Variants in GLP2R observed in about 807,000 individuals in gnomAD.
GLP2R encodes the protein glucagon-like peptide 2 receptor.
A neutral mutation model predicts 68.2 loss-of-function variants in GLP2R; 59 were observed. That is an observed-to-expected ratio of 0.87 (90% CI 0.70 to 1.07). The LOEUF (loss-of-function observed/expected upper bound fraction) is 1.07. Among genes scored for constraint, GLP2R ranks in the 50% least tolerant of loss-of-function variants. GLP2R has a pLI of 0.00. For synonymous variants in GLP2R, 270 were observed against 265.4 expected (o/e 1.02, Z -0.17); for missense variants, 548 against 677.4 (o/e 0.81, Z 2.12).
intron 12 of GLP2R, 91 bp from the exon 13 acceptor site, chr17:9,889,279 G>A (rs1397317566): frequency 2.5e-6 from 2 of 805,682 alleles, no homozygotes; most frequent in Non-Finnish European, 2.0e-6. Flanking sequence ...CCCAAGGGTG[G>A]CACAGAGTAG....
At chr17:9,840,688 G>GATGTGTTGC (rs1356533449) in intron 3 of GLP2R, among the ~76,000 whole-genome samples, 3 of 152,182 alleles carry the variant, frequency 2.0e-5, no homozygotes, top group Non-Finnish European at 4.4e-5. Flanking sequence ...GGAGTGGGGT[G>GATGTGTTGC]ATGTGTTGCA....
At position 9,889,878 on chromosome 17, in the gene GLP2R, G is replaced by A; in HGVS notation, c.*173G>A. On this transcript the variant is annotated 3_prime_UTR_variant, in exon 13 of 13. Coordinates refer to ENST00000262441, the MANE Select transcript of GLP2R (RefSeq NM_004246.3). ...CTTCAAGCTCTGTATGAAAGAGGCT[G>A]TGTGTCATGCTCACAGCCTCTGCCT... 3.1e-6 allele frequency: 2 copies of A among 638,184 alleles called. No individual in the cohort carries two copies. The highest frequency in any genetic ancestry group is 5.0e-5 in the Admixed American group (2 of 40,312). The allele number at this position is 638,184 out of a possible 1,614,324, so 39.5% of individuals were successfully genotyped here.
At chr17:9,863,102 T>A (rs2067001738) in intron 9 of GLP2R, among the ~76,000 whole-genome samples, 1 of 151,496 alleles carries the variant, frequency 6.6e-6, no homozygotes, top group African/African-American at 2.4e-5. Context: ...TCTTCCCTCC[T>A]GTCACTGGAC....
chr17:9,878,247 C>A lies in GLP2R; in HGVS notation c.1146-2131C>A, dbSNP rs560526047. ...AACGATTGCCATGCAAGAATTTGAGCCCAGTGTTGCCAGATCTCCTCATTT... is the reference window on the plus strand; with the variant it reads ...AACGATTGCCATGCAAGAATTTGAGACCAGTGTTGCCAGATCTCCTCATTT... On this transcript the variant is annotated intron_variant, in intron 10 of 12. Transcript: ENST00000262441. Among the ~76,000 whole-genome samples, 10 of 152,274 alleles carry A rather than the reference C, an allele frequency of 6.6e-5. No homozygotes were observed. The East Asian group carries it at 9.6e-4, about 15-fold the overall frequency.
At chr17:9,857,875 C>T (rs1006640054) in intron 6 of GLP2R, among the ~76,000 whole-genome samples, 1 of 152,308 alleles carries the variant, frequency 6.6e-6, no homozygotes, top group African/African-American at 2.4e-5. Context: ...TTATAGCTGG[C>T]CCTCTGTATC....
intron 9 of GLP2R, among the ~76,000 whole-genome samples, chr17:9,865,479 T>G (rs567654909): frequency 2.5e-4 from 38 of 152,318 alleles, no homozygotes; most frequent in African/African-American, 8.9e-4. Context: ...AATGGGTCAC[T>G]ATTTCCCTCA....
chr17:9,831,706 C>T (rs977091077), intron 1 of GLP2R, among the ~76,000 whole-genome samples: 2 of 152,166 alleles, frequency 1.3e-5, no homozygotes, highest in African/African-American at 4.8e-5. Flanking sequence ...AAGTGGAAGA[C>T]TGTAGGCAGG....
In GLP2R at chr17:9,889,358, C is replaced by G. The variant is rs773810839; in HGVS notation, c.1327-12C>G. 3 of 1,590,018 alleles carry G rather than the reference C, an allele frequency of 1.9e-6. No homozygotes were observed. The highest frequency in any genetic ancestry group is 4.5e-5 in the East Asian group (2 of 44,652). On this transcript the variant is annotated splice_polypyrimidine_tract_variant and intron_variant, in intron 12 of 12. Transcript: ENST00000262441. ...TCCAAGACAGTAACCTCTCACTTGT[C>G]TCACCCGGCAGGTGAAGGCTGAGCT...
At chr17:9,861,466 T>G (rs1369157314) in intron 8 of GLP2R, among the ~76,000 whole-genome samples, 1 of 152,198 alleles carries the variant, frequency 6.6e-6, no homozygotes, top group Non-Finnish European at 1.5e-5. Context: ...CAAGAGTGGT[T>G]ACTGCAGTAT....
chr17:9,887,894 G>A (rs754718111), intron 11 of GLP2R, 38 bp from the exon 12 acceptor site: 52 of 1,540,976 alleles, frequency 3.4e-5, no homozygotes, highest in South Asian at 6.7e-5. Context: ...CATCTTCTCC[G>A]GAGTCAGATT....
Position 9,889,582 on chromosome 17 carries a change from G to T in GLP2R, c.1539G>T (p.Leu513=), listed in dbSNP as rs2067272822. ...TAGCCATGCGAGGTCTTGGGGAGCTGGGCGCCCAGCCCCAACAGGACCATG... is the reference window on the plus strand; with the variant it reads ...TAGCCATGCGAGGTCTTGGGGAGCTTGGCGCCCAGCCCCAACAGGACCATG... ...LHLAMRGLGE[L]GAQPQQDHAR... Residue 513 remains leucine, a synonymous_variant, in exon 13 of 13, where the codon CTG becomes CTT. Coordinates refer to ENST00000262441, the MANE Select transcript of GLP2R (RefSeq NM_004246.3). The T allele has an allele frequency of 6.2e-7, 1 of 1,614,026 alleles. No homozygotes were observed. Among genetic ancestry groups the T allele is most frequent in the South Asian group, 1.1e-5 (1 of 91,088 alleles).
intron 11 of GLP2R, among the ~76,000 whole-genome samples, chr17:9,885,413 T>A (rs538179983): frequency 1.3e-5 from 2 of 152,002 alleles, no homozygotes; most frequent in African/African-American, 4.8e-5. Context: ...GGGTAGATAG[T>A]TCTTTTGATA....
intron 5 of GLP2R, 113 bp from the exon 6 acceptor site, chr17:9,857,310 C>CTATA (rs2066942789): frequency 1.1e-6 from 1 of 893,046 alleles, no homozygotes; most frequent in African/African-American, 1.7e-5. Context: ...GCTCTGCAGC[C>CTATA]TATACTATGA....
In GLP2R at chr17:9,860,022, C is replaced by A. The variant is rs1307657824; in HGVS notation, c.846C>A (p.Gly282=). The A allele has an allele frequency of 1.2e-6, 2 of 1,613,614 alleles. No homozygotes were observed. Residue 282 remains glycine (G), a synonymous_variant, in exon 7 of 13, where the codon GGC becomes GGA. Transcript: ENST00000262441. The stretch of plus-strand genomic sequence containing the variant: ...ATTACTTATGGCTGCTGGTTGAAGG[C>A]CTCTACCTCCACACGCTGCTGGAGC... ...GANYLWLLVE[G]LYLHTLLEPT...
At chr17:9,879,153 A>G (rs2067167230) in intron 10 of GLP2R, among the ~76,000 whole-genome samples, 1 of 151,718 alleles carries the variant, frequency 6.6e-6, no homozygotes, top group Non-Finnish European at 1.5e-5. Flanking sequence ...AGTGGTTTGC[A>G]CCTGTAATCC....
intron 11 of GLP2R, among the ~76,000 whole-genome samples, chr17:9,880,828 G>A (rs1383077165): frequency 5.9e-5 from 9 of 152,108 alleles, no homozygotes; most frequent in Non-Finnish European, 1.2e-4. Context: ...ATTTTTGCTG[G>A]GTTCTCTGCA....
chr17:9,833,235 G>A (rs2066696739), intron 1 of GLP2R, among the ~76,000 whole-genome samples: 3 of 151,624 alleles, frequency 2.0e-5, no homozygotes, highest in Admixed American at 1.3e-4. Context: ...TTGCACTCCA[G>A]CCTGGTAACA....
chr17:9,831,983 C>T (rs1180935902), intron 1 of GLP2R, among the ~76,000 whole-genome samples: 1 of 152,166 alleles, frequency 6.6e-6, no homozygotes, highest in African/African-American at 2.4e-5. Flanking sequence ...GCCTTGCATG[C>T]CAGCCAGTTA....
rs117080216 is a variant in GLP2R, at chr17:9,885,509, T to A, written c.1285-2423T>A. On this transcript the variant is annotated intron_variant, in intron 11 of 12. Coordinates refer to ENST00000262441, the MANE Select transcript of GLP2R (RefSeq NM_004246.3). ...GATGGTTCATTCACATAACTAGACA[T>A]TGACGCTAGCTGTTGGACAGGACCT... 8.0e-3 allele frequency among the ~76,000 whole-genome samples: 1,219 copies of A among 152,086 alleles called. 6 individuals are homozygous for A. Among genetic ancestry groups the A allele is most frequent in the Non-Finnish European group, 0.012 (844 of 67,976 alleles).
Sources: allele counts gnomAD v4.1 joint callset (sites outside exome capture counted in the v4.1 genomes callset), GRCh38; gene constraint gnomAD v4.1.1; transcripts MANE v1.5; gene names NCBI Gene and HGNC (gene_info 2026-07-23, HGNC 2026-07-21).